Variants in CHURC1 observed in about 807,000 individuals in gnomAD.
CHURC1 encodes churchill domain containing 1, also known as protein Churchill.
Under a neutral mutation model 15.4 loss-of-function variants are expected in CHURC1, and 12 were observed. That is an observed-to-expected ratio of 0.78 (90% CI 0.50 to 1.27). The LOEUF (loss-of-function observed/expected upper bound fraction) is 1.27, where lower values mean the gene tolerates loss of function less well. Ranked by LOEUF, CHURC1 falls within the 50% of genes most tolerant of loss-of-function variation. The pLI is 0.00. For missense variants in CHURC1, 132 were observed against 137.8 expected, an observed-to-expected ratio of 0.96 and a Z score of 0.21; for synonymous variants, 42 against 47.5, an observed-to-expected ratio of 0.88 and a Z score of 0.48.
chr14:64,923,264 C>T (rs1594895493), intron 1 of CHURC1, among the ~76,000 whole-genome samples: 2 of 83,692 alleles, frequency 2.4e-5, no homozygotes, highest in South Asian at 8.1e-4. Flanking sequence ...AAGACCCCAT[C>T]TCAATTACCA....
At chr14:64,924,864 A>G (rs541305695) in intron 2 of CHURC1, among the ~76,000 whole-genome samples, 1 of 152,300 alleles carries the variant, frequency 6.6e-6, no homozygotes, top group South Asian at 2.1e-4. Context: ...GTTCTTGGGT[A>G]CCTTCTAAAC....
rs544046363 is a variant in CHURC1 at position 64,933,344 on chromosome 14, T to G, written c.*1114T>G. 2.0e-6 allele frequency: 2 copies of G among 981,156 alleles called. No homozygotes were observed. The highest frequency in any genetic ancestry group is 3.5e-5 in the African/African-American group (2 of 57,162). 60.8% of individuals were successfully genotyped at this position (981,156 alleles called of 1,614,324 possible). The stretch of plus-strand genomic sequence containing the variant: ...AAACTAGGGAAATCTGAATACAGTG[T>G]GGACTTCAGTTAATATAAATGAGAA... On this transcript the variant is annotated 3_prime_UTR_variant, in exon 4 of 4. Transcript: ENST00000549115.
At chr14:64,925,278 A>G (rs1884595564) in intron 2 of CHURC1, among the ~76,000 whole-genome samples, 1 of 152,220 alleles carries the variant, frequency 6.6e-6, no homozygotes, top group Non-Finnish European at 1.5e-5. Context: ...TTTTGTTACC[A>G]TTAAATTCAC....
chr14:64,924,757 C>T (rs923439789), intron 2 of CHURC1, among the ~76,000 whole-genome samples: 3 of 152,156 alleles, frequency 2.0e-5, no homozygotes, highest in South Asian at 2.1e-4. Flanking sequence ...CTGAGGTTAG[C>T]ACTAAGGATT....
chr14:64,918,144 A>T (rs181385787), intron 1 of CHURC1, among the ~76,000 whole-genome samples: 74 of 152,380 alleles, frequency 4.9e-4, no homozygotes, highest in Admixed American at 5.2e-4. Flanking sequence ...GATCGAGGTG[A>T]TTGGAAAACC....
At position 64,934,870 on chromosome 14, in the gene CHURC1, A is replaced by C; in HGVS notation, c.*2640A>C. On this transcript the variant is annotated 3_prime_UTR_variant, in exon 4 of 4. Coordinates refer to ENST00000549115, the MANE Select transcript of CHURC1 (RefSeq NM_001386928.1). ...TTGTTTTGGACTATATGTTACAAAA[A>C]TTTAAAACATAAGATCCTCTCTCTA... is the stretch of plus-strand genomic sequence containing the variant. The C allele has an allele frequency of 1.0e-6, 1 of 984,442 alleles. No homozygotes were observed. Among genetic ancestry groups the C allele is most frequent in the Non-Finnish European group, 1.2e-6 (1 of 829,006 alleles). The allele number at this position is 984,442 out of a possible 1,614,324, so 61.0% of individuals were successfully genotyped here.
Position 64,924,087 on chromosome 14 carries a change from T to C in CHURC1, c.136T>C (p.Leu46=). Residue 46 remains leucine (L), a synonymous_variant, in exon 2 of 4, where the codon TTG becomes CTG. Coordinates refer to ENST00000549115, the MANE Select transcript of CHURC1 (RefSeq NM_001386928.1). ...RDFMLITNKS[L]KEEDGEEIVT... ...TTTTATGCTGATCACAAACAAATCC[T>C]TGAAAGAAGAAGATGGAGAAGAAAT... 1 of 1,609,014 alleles carries C rather than the reference T, an allele frequency of 6.2e-7. No individual in the cohort carries two copies. Among genetic ancestry groups the C allele is most frequent in the Non-Finnish European group, 8.5e-7 (1 of 1,177,328 alleles).
At position 64,924,122 on chromosome 14, in the gene CHURC1, T is replaced by C. The variant is rs371687898; in HGVS notation, c.171T>C (p.Tyr57=). 6.2e-7 allele frequency: 1 copy of C among 1,606,454 alleles called. No homozygotes were observed. Among genetic ancestry groups the C allele is most frequent in the Non-Finnish European group, 8.5e-7 (1 of 1,176,198 alleles). ...KEEDGEEIVT[Y]DHLCKNCHHV... ...AAGATGGAGAAGAAATAGTTACCTA[T>C]GATCGTAAGTAGACTTTATTTTTTA... Residue 57 remains tyrosine (Y), a synonymous_variant, in exon 2 of 4, where the codon TAT becomes TAC. Coordinates refer to ENST00000549115, the MANE Select transcript of CHURC1 (RefSeq NM_001386928.1).
At chr14:64,926,533 CT>C (rs930111017) in intron 3 of CHURC1, among the ~76,000 whole-genome samples, 15 of 152,262 alleles carry the variant, frequency 9.9e-5, no homozygotes, top group South Asian at 4.1e-4. Context: ...CATTGTGCTG[CT>C]TTTTTTCTGC....
chr14:64,933,392 G>A lies in CHURC1; in HGVS notation c.*1162G>A. The A allele has an allele frequency of 1.0e-6, 1 of 985,458 alleles. No individual in the cohort carries two copies. The highest frequency in any genetic ancestry group is 1.2e-6 in the Non-Finnish European group (1 of 829,944). 61.0% of individuals were successfully genotyped at this position (985,458 alleles called of 1,614,324 possible). ...GAAAATGGTTTCATTGGCTTTAAAG[G>A]GATTTTAGAATATCTTACTTTGCAT... On this transcript the variant is annotated 3_prime_UTR_variant, in exon 4 of 4. Coordinates refer to ENST00000549115, the MANE Select transcript of CHURC1 (RefSeq NM_001386928.1).
Position 64,935,182 on chromosome 14 carries a change from T to G in CHURC1, c.*2952T>G, listed in dbSNP as rs1174835929. 2 of 255,144 alleles carry G rather than the reference T, an allele frequency of 7.8e-6. No homozygotes were observed. Among genetic ancestry groups the G allele is most frequent in the Admixed American group, 1.3e-4 (2 of 15,376 alleles). 15.8% of individuals were successfully genotyped at this position (255,144 alleles called of 1,614,324 possible). On this transcript the variant is annotated 3_prime_UTR_variant, in exon 4 of 4. Coordinates refer to ENST00000549115, the MANE Select transcript of CHURC1 (RefSeq NM_001386928.1). ...GGGAACATCACACTCTAGGGACTGT[T>G]GTGGGGTGAGGGGAGGGGTGAGGGA...
At chr14:64,925,696 C>CAAAAAAAAAAA (rs3033506) in intron 2 of CHURC1, among the ~76,000 whole-genome samples, 2 of 66,190 alleles carry the variant, frequency 3.0e-5, no homozygotes, top group African/African-American at 6.3e-5. Flanking sequence ...GACCCGGCCT[C>CAAAAAAAAAAA]AAAAAAAAAA....
intron 1 of CHURC1, among the ~76,000 whole-genome samples, chr14:64,923,176 G>A (rs1594895376): frequency 6.6e-6 from 1 of 150,596 alleles, no homozygotes; most frequent in East Asian, 1.9e-4. Context: ...GCTCACAACT[G>A]TAATCCCAAT....
intron 1 of CHURC1, among the ~76,000 whole-genome samples, chr14:64,920,960 C>T (rs1009045916): frequency 2.0e-5 from 3 of 152,052 alleles, no homozygotes; most frequent in Non-Finnish European, 4.4e-5. Context: ...TAAAGACTAA[C>T]TATAAAAACT....
chr14:64,917,679 C>G (rs144311087), intron 1 of CHURC1, among the ~76,000 whole-genome samples: 1 of 152,018 alleles, frequency 6.6e-6, no homozygotes, highest in Non-Finnish European at 1.5e-5. Context: ...GAGCCATGAT[C>G]GTGCCATTGC....
chr14:64,929,535 G>A (rs1291723452), intron 3 of CHURC1, among the ~76,000 whole-genome samples: 1 of 152,000 alleles, frequency 6.6e-6, no homozygotes, highest in Non-Finnish European at 1.5e-5. Flanking sequence ...TATCCTGGCA[G>A]TAGTTCAAGT....
chr14:64,919,317 T>G (rs749740479), intron 1 of CHURC1, among the ~76,000 whole-genome samples: 4 of 152,150 alleles, frequency 2.6e-5, no homozygotes, highest in Non-Finnish European at 4.4e-5. Flanking sequence ...TATGAATCAG[T>G]GGGAAAAAAT....
intron 1 of CHURC1, 132 bp from the exon 2 acceptor site, chr14:64,923,859 G>T: frequency 3.2e-6 from 2 of 632,114 alleles, no homozygotes; most frequent in Non-Finnish European, 2.1e-6. Context: ...AAATTATTTG[G>T]TATATGACCT....
In CHURC1 at chr14:64,934,250, G is replaced by A; in HGVS notation, c.*2020G>A. 1 of 314,248 alleles carries A rather than the reference G, an allele frequency of 3.2e-6. No individual in the cohort carries two copies. The highest frequency in any genetic ancestry group is 4.6e-6 in the Non-Finnish European group (1 of 216,612). The allele number at this position is 314,248 out of a possible 1,614,324, so 19.5% of individuals were successfully genotyped here. On this transcript the variant is annotated 3_prime_UTR_variant, in exon 4 of 4. Coordinates refer to ENST00000549115, the MANE Select transcript of CHURC1 (RefSeq NM_001386928.1). ...TGCAGTCCCAGCAACATGGGAGGCT[G>A]AACAGGAGAATCGCTTGAACCCGCG...
Sources: gnomAD v4.1 joint callset for allele counts (sites outside exome capture counted in the v4.1 genomes callset) on GRCh38, gnomAD v4.1.1 for gene constraint, MANE v1.5 for transcripts, NCBI Gene and HGNC (gene_info 2026-07-23, HGNC 2026-07-21) for gene names.